SGCD: variants seen among roughly 807,000 people sequenced by gnomAD.
SGCD encodes delta-sarcoglycan.
In SGCD, 18 loss-of-function variants were observed where a neutral mutation model predicts 36.6. That is an observed-to-expected ratio of 0.49 (90% CI 0.34 to 0.73). The LOEUF (loss-of-function observed/expected upper bound fraction) is 0.73. Among genes scored for constraint, SGCD ranks in the 30% least tolerant of loss-of-function variants. SGCD has a pLI of 0.01. For synonymous variants in SGCD, 133 were observed against 130.6 expected (o/e 1.02, Z -0.12); for missense variants, 387 against 346.7 (o/e 1.12, Z -0.92).
chr5:156,049,681 A>T (rs540249603), intron 1 of SGCD, among the ~76,000 whole-genome samples: 1 of 146,776 alleles, frequency 6.8e-6, no homozygotes, highest in Non-Finnish European at 1.5e-5. Context: ...AGCAAAGTAC[A>T]TTGAAAACCT....
At chr5:156,735,892 G>A (rs1408114352) in intron 7 of SGCD, among the ~76,000 whole-genome samples, 3 of 152,164 alleles carry the variant, frequency 2.0e-5, no homozygotes, top group Admixed American at 1.3e-4. Context: ...AAGCTGCTGT[G>A]CCAAGACTCC....
At chr5:156,221,246 G>A (rs1764709896) in intron 3 of SGCD, among the ~76,000 whole-genome samples, 1 of 152,088 alleles carries the variant, frequency 6.6e-6, no homozygotes, top group Non-Finnish European at 1.5e-5. Flanking sequence ...GGGCTTTCTT[G>A]TTATAACTTG....
At chr5:156,072,911 A>C (rs898012825) in intron 1 of SGCD, among the ~76,000 whole-genome samples, 3 of 152,122 alleles carry the variant, frequency 2.0e-5, no homozygotes, top group Non-Finnish European at 4.4e-5. Context: ...CCTTTGTTCC[A>C]GTTGATCGCA....
chr5:156,296,457 G>A (rs922695790), intron 3 of SGCD, among the ~76,000 whole-genome samples: 6 of 151,968 alleles, frequency 3.9e-5, no homozygotes, highest in African/African-American at 1.5e-4. Context: ...TCTAATATAG[G>A]CATTTATAGC....
chr5:155,943,303 T>G (rs1314484160), intron 1 of SGCD, among the ~76,000 whole-genome samples: 2 of 151,676 alleles, frequency 1.3e-5, no homozygotes, highest in Non-Finnish European at 2.9e-5. Flanking sequence ...CAATCACTGT[T>G]GTCATCATCA....
rs774771180 is a variant in SGCD, at chr5:156,054,156, G to A, written c.-281-63722G>A. On this transcript the variant is annotated intron_variant, in intron 1 of 9. Coordinates refer to the SGCD transcript ENST00000517913. ...ATAAGTCTAGAGCTTATTTAGTTCC[G>A]GAGGTTTTGAAATATTCAGGGCCGT... Among the ~76,000 whole-genome samples the A allele has an allele frequency of 1.3e-4, 19 of 145,646 alleles. 2 individuals carry two copies. Among genetic ancestry groups the A allele is most frequent in the African/African-American group, 3.9e-4 (16 of 40,534 alleles).
At chr5:156,060,691 G>A (rs77498485) in intron 1 of SGCD, among the ~76,000 whole-genome samples, 10,376 of 145,454 alleles carry the variant, frequency 0.071, 1,630 homozygotes, top group African/African-American at 0.23. Context: ...AAGAATTTGG[G>A]TGGATTCAAG....
chr5:156,004,977 C>T (rs1159524356), intron 1 of SGCD, among the ~76,000 whole-genome samples: 1 of 152,168 alleles, frequency 6.6e-6, no homozygotes, highest in Non-Finnish European at 1.5e-5. Flanking sequence ...CGGGGCACCA[C>T]AGCTTGGTTA....
intron 3 of SGCD, among the ~76,000 whole-genome samples, chr5:156,172,311 A>G (rs1763364269): frequency 6.6e-6 from 1 of 152,110 alleles, no homozygotes; most frequent in South Asian, 2.1e-4. Context: ...CAAACAAACA[A>G]AAAACCCAAA....
At chr5:155,834,712 C>G in the SGCD span, among the ~76,000 whole-genome samples, 2 of 152,144 alleles carry the variant, frequency 1.3e-5, no homozygotes, top group Non-Finnish European at 2.9e-5. Context: ...AAAAGTCACC[C>G]AGCCTTTCCC....
chr5:156,179,016 T>A (rs1763540100), intron 3 of SGCD, among the ~76,000 whole-genome samples: 1 of 152,202 alleles, frequency 6.6e-6, no homozygotes, highest in South Asian at 2.1e-4. Flanking sequence ...TTTAGGCTAA[T>A]AAATGACAAT....
chr5:156,377,727 A>G (rs1028940646), intron 3 of SGCD, among the ~76,000 whole-genome samples: 4 of 152,188 alleles, frequency 2.6e-5, no homozygotes, highest in Non-Finnish European at 5.9e-5. Context: ...TTTACTACCA[A>G]TAATGTCCAT....
the SGCD span, among the ~76,000 whole-genome samples, chr5:155,830,913 C>G: frequency 6.6e-6 from 1 of 152,128 alleles, no homozygotes; most frequent in Non-Finnish European, 1.5e-5. Context: ...CTTTTTCCAG[C>G]AAACAATTAT....
At chr5:156,107,209 C>T (rs1479196422) in intron 1 of SGCD, among the ~76,000 whole-genome samples, 1 of 152,098 alleles carries the variant, frequency 6.6e-6, no homozygotes, top group Non-Finnish European at 1.5e-5. Context: ...ATTTCTAATC[C>T]TCATTTTAGG....
At chr5:156,725,896 T>A (rs1755749494) in intron 7 of SGCD, among the ~76,000 whole-genome samples, 1 of 152,246 alleles carries the variant, frequency 6.6e-6, no homozygotes, top group Non-Finnish European at 1.5e-5. Context: ...ATTATCTTTA[T>A]GGTTATTAAT....
At chr5:155,927,981 TG>T (rs1420085419) in intron 1 of SGCD, among the ~76,000 whole-genome samples, 4 of 152,188 alleles carry the variant, frequency 2.6e-5, no homozygotes, top group Non-Finnish European at 5.9e-5. Flanking sequence ...GCATGCTAAC[TG>T]AAAGATAACA....
chr5:156,747,891 G>T (rs575712648), intron 7 of SGCD, among the ~76,000 whole-genome samples: 2 of 152,192 alleles, frequency 1.3e-5, no homozygotes, highest in East Asian at 3.9e-4. Flanking sequence ...ACTCGAAGCT[G>T]CCTGTTCAAG....
At chr5:156,565,585 T>C (rs1411182089) in intron 4 of SGCD, among the ~76,000 whole-genome samples, 1 of 152,198 alleles carries the variant, frequency 6.6e-6, no homozygotes, top group African/African-American at 2.4e-5. Flanking sequence ...CTGGGATACA[T>C]GTACAGAACG....
At chr5:156,336,542 T>A (rs1768363938) in intron 2 of SGCD, among the ~76,000 whole-genome samples, 1 of 152,370 alleles carries the variant, frequency 6.6e-6, no homozygotes. Context: ...TATTTTTTTT[T>A]AATTTTATGT....
Sources: gnomAD v4.1 joint callset for allele counts (sites outside exome capture counted in the v4.1 genomes callset) on GRCh38, gnomAD v4.1.1 for gene constraint, MANE v1.5 for transcripts, NCBI Gene and HGNC (gene_info 2026-07-23, HGNC 2026-07-21) for gene names.